Variants in NCMAP observed in about 807,000 individuals in gnomAD.
NCMAP encodes the protein non-compact myelin associated protein, also known as noncompact myelin-associated protein.
In NCMAP, 8 loss-of-function variants were observed where a neutral mutation model predicts 7.8. The observed-to-expected ratio is 1.02, with a 90% confidence interval of 0.60 to 1.84. NCMAP has a LOEUF of 1.84. Ranked by LOEUF, NCMAP falls within the 40% of genes most tolerant of loss-of-function variation. The pLI, the probability that NCMAP is intolerant of heterozygous loss-of-function variation, is 0.00. For synonymous variants in NCMAP, 41 were observed against 52.9 expected, an observed-to-expected ratio of 0.78 and a Z score of 0.98; for missense variants, 112 against 131.4, an observed-to-expected ratio of 0.85 and a Z score of 0.72.
Position 24,595,526 on chromosome 1 carries a change from C to T in NCMAP, c.82+14C>T, listed in dbSNP as rs990784012. On this transcript the variant is annotated intron_variant, in intron 2 of 3. Coordinates refer to ENST00000374392, the MANE Select transcript of NCMAP (RefSeq NM_001010980.5). Reference sequence around the variant, plus strand: ...TCCTGTATAAGAGTAAGGTCAAATTCGCTTAGAGGCTGGGGGAAGGATGGC... The same window carrying T: ...TCCTGTATAAGAGTAAGGTCAAATTTGCTTAGAGGCTGGGGGAAGGATGGC... 7 of 1,593,754 alleles carry T rather than the reference C, an allele frequency of 4.4e-6. No individual in the cohort carries two copies. The highest frequency in any genetic ancestry group is 2.2e-5 in the South Asian group (2 of 90,624).
chr1:24,591,673 C>G (rs1652052872), intron 1 of NCMAP, among the ~76,000 whole-genome samples: 1 of 152,110 alleles, frequency 6.6e-6, no homozygotes, highest in African/African-American at 2.4e-5. Context: ...GGCAGGGAGA[C>G]AGAGTGGCAG....
chr1:24,582,962 C>T (rs1375866261), intron 1 of NCMAP, among the ~76,000 whole-genome samples: 4 of 152,202 alleles, frequency 2.6e-5, no homozygotes, highest in Non-Finnish European at 5.9e-5. Context: ...ACGTAAAAGA[C>T]ACTTGATCAA....
At chr1:24,597,682 G>A (rs1365320127) in intron 2 of NCMAP, among the ~76,000 whole-genome samples, 19 of 133,552 alleles carry the variant, frequency 1.4e-4, no homozygotes, top group Non-Finnish European at 2.3e-4. Context: ...AAAAGAAAAA[G>A]AAAGAAAGAA....
chr1:24,584,127 G>C (rs1392009021), intron 1 of NCMAP, among the ~76,000 whole-genome samples: 3 of 152,134 alleles, frequency 2.0e-5, no homozygotes, highest in African/African-American at 4.8e-5. Flanking sequence ...CATTAACCCT[G>C]TGCCCTCCCC....
In NCMAP at chr1:24,606,017, C is replaced by A; in HGVS notation, c.*270C>A. On this transcript the variant is annotated 3_prime_UTR_variant, in exon 4 of 4. Coordinates refer to ENST00000374392, the MANE Select transcript of NCMAP (RefSeq NM_001010980.5). ...AGGTAGAGCTATGTTGGGAATCCAC[C>A]AATGTGGGCTTGGCTTTCCCCCACA... 1 of 427,320 alleles carries A rather than the reference C, an allele frequency of 2.3e-6. No individual in the cohort carries two copies. The highest frequency in any genetic ancestry group is 4.2e-6 in the Non-Finnish European group (1 of 236,268). The allele number at this position is 427,320 out of a possible 1,614,324, so 26.5% of individuals were successfully genotyped here.
rs866577044 is a variant in NCMAP at position 24,597,617 on chromosome 1, G to A, written c.82+2105G>A. Among the ~76,000 whole-genome samples, 259 of 87,512 alleles carry A rather than the reference G, an allele frequency of 3.0e-3. 1 individual carries two copies. The highest frequency in any genetic ancestry group is 9.6e-3 in the African/African-American group (204 of 21,208). The allele number at this position is 87,512 out of a possible 152,430, so 57.4% of individuals were successfully genotyped here. On this transcript the variant is annotated intron_variant, in intron 2 of 3. Coordinates refer to ENST00000374392, the MANE Select transcript of NCMAP (RefSeq NM_001010980.5). ...AAGAAGAAAGAAAGAAAGAAAGAAAGAGAAAGAAAGAAAGAAAGAAAGAAA... is the reference window on the plus strand; with the variant it reads ...AAGAAGAAAGAAAGAAAGAAAGAAAAAGAAAGAAAGAAAGAAAGAAAGAAA...
intron 1 of NCMAP, among the ~76,000 whole-genome samples, chr1:24,563,123 T>C (rs1044773287): frequency 6.6e-6 from 1 of 152,250 alleles, no homozygotes; most frequent in African/African-American, 2.4e-5. Flanking sequence ...AGCATGATTA[T>C]ACTTAAGGAG....
chr1:24,595,567 G>T (rs1570536170), intron 2 of NCMAP, 55 bp downstream of exon 2: 1 of 1,395,006 alleles, frequency 7.2e-7, no homozygotes, highest in East Asian at 2.3e-5. Context: ...CAGTGTCATG[G>T]TCATAGTGCA....
intron 1 of NCMAP, among the ~76,000 whole-genome samples, chr1:24,565,219 C>T (rs1651188652): frequency 1.3e-5 from 2 of 150,478 alleles, no homozygotes; most frequent in South Asian, 4.2e-4. Context: ...TGGGGAGCTA[C>T]AGCATCTGCC....
chr1:24,573,604 CAAAAACAAAA>C, intron 1 of NCMAP, among the ~76,000 whole-genome samples: 1 of 115,842 alleles, frequency 8.6e-6, no homozygotes, highest in African/African-American at 4.3e-5. Context: ...AAAAAAGAAA[CAAAAACAAAA>C]ACAAAAACAA....
At chr1:24,602,837 G>A (rs997643662) in intron 3 of NCMAP, among the ~76,000 whole-genome samples, 4 of 151,630 alleles carry the variant, frequency 2.6e-5, no homozygotes, top group African/African-American at 9.7e-5. Context: ...GGCAGATCAC[G>A]GGGTCAGGAG....
chr1:24,577,708 A>T (rs1474627500), intron 1 of NCMAP, among the ~76,000 whole-genome samples: 1 of 152,004 alleles, frequency 6.6e-6, no homozygotes, highest in Non-Finnish European at 1.5e-5. Context: ...TTCATGGCAT[A>T]GATATTAACT....
intron 1 of NCMAP, among the ~76,000 whole-genome samples, chr1:24,580,155 T>G (rs1378373884): frequency 1.3e-5 from 2 of 152,234 alleles, no homozygotes; most frequent in Admixed American, 6.5e-5. Context: ...GACACCATCC[T>G]GTGCTGTCCA....
chr1:24,576,256 C>T lies in NCMAP; in HGVS notation c.-7-19168C>T, dbSNP rs1651555681. Among the ~76,000 whole-genome samples the T allele has an allele frequency of 6.6e-6, 1 of 152,174 alleles. No individual in the cohort carries two copies. The highest frequency in any genetic ancestry group is 1.5e-5 in the Non-Finnish European group (1 of 68,034). On this transcript the variant is annotated intron_variant, in intron 1 of 3. Coordinates refer to ENST00000374392, the MANE Select transcript of NCMAP (RefSeq NM_001010980.5). This position sits in a 1 kb window ranked among gnomAD's most constrained non-coding sequence, Gnocchi z 4.0. ...ACAAAGCTGGGGGCTGGCACTGCTG[C>T]TTGAGAGGGTGGGAAGAAAAGACAG...
intron 1 of NCMAP, among the ~76,000 whole-genome samples, chr1:24,561,003 C>T (rs1473121038): frequency 1.3e-5 from 2 of 151,800 alleles, no homozygotes. Flanking sequence ...GAGCCTGGGG[C>T]GATTTTGCCT....
At chr1:24,573,020 C>T (rs1448000622) in intron 1 of NCMAP, among the ~76,000 whole-genome samples, 1 of 150,584 alleles carries the variant, frequency 6.6e-6, no homozygotes, top group African/African-American at 2.5e-5. Flanking sequence ...ATGGAAAAGG[C>T]ACCCAGAAGG....
chr1:24,602,556 C>T (rs1482034493), intron 3 of NCMAP, among the ~76,000 whole-genome samples: 1 of 92,854 alleles, frequency 1.1e-5, no homozygotes, highest in African/African-American at 6.3e-5. Context: ...GGCGACAGAA[C>T]GAGACTCCAT....
intron 1 of NCMAP, among the ~76,000 whole-genome samples, chr1:24,573,733 T>C (rs1337429038): frequency 2.0e-5 from 3 of 149,778 alleles, no homozygotes; most frequent in African/African-American, 7.6e-5. Flanking sequence ...AGCCCAGGAG[T>C]TCGAGACCAG....
intron 1 of NCMAP, among the ~76,000 whole-genome samples, chr1:24,594,322 T>G (rs1343629830): frequency 1.3e-5 from 2 of 152,162 alleles, no homozygotes; most frequent in Non-Finnish European, 2.9e-5. Flanking sequence ...ATTGTAGCCT[T>G]GTGCATTTTG....
Sources: allele counts gnomAD v4.1 joint callset (sites outside exome capture counted in the v4.1 genomes callset), GRCh38; gene constraint gnomAD v4.1.1; non-coding constraint Gnocchi (gnomAD v3.1); transcripts MANE v1.5; gene names NCBI Gene and HGNC (gene_info 2026-07-23, HGNC 2026-07-21).